The following PDS5B variants were observed in gnomAD, a reference collection of about 807,000 sequenced individuals.
PDS5B encodes PDS5 cohesin associated factor B, also known as sister chromatid cohesion protein PDS5 homolog B.
A neutral mutation model predicts 184.1 loss-of-function variants in PDS5B; 51 were observed. The ratio of observed to expected loss-of-function variants is 0.28; its 90% CI spans 0.22 to 0.35. The LOEUF is 0.35. PDS5B is among the 10% of genes least tolerant of loss of function. The pLI is 1.00. For missense variants in PDS5B, 1,180 were observed against 1,723.3 expected (o/e 0.68, Z 5.58); for synonymous variants, 566 against 569.2 (o/e 0.99, Z 0.08).
chr13:32,775,665 A>C lies in PDS5B; in HGVS notation c.*613A>C, dbSNP rs1296664260. ...ACACCAGAAGGATGCCTCTGATAGGAGGACAACCATGCAAATTGTGAAATA... is the reference window on the plus strand; with the variant it reads ...ACACCAGAAGGATGCCTCTGATAGGCGGACAACCATGCAAATTGTGAAATA... On this transcript the variant is annotated 3_prime_UTR_variant, in exon 35 of 35. Transcript: ENST00000315596. 12 of 456,202 alleles carry C rather than the reference A, an allele frequency of 2.6e-5. No individual in the cohort carries two copies. Among genetic ancestry groups the C allele is most frequent in the Non-Finnish European group, 3.5e-5 (8 of 226,710 alleles). 28.3% of individuals were successfully genotyped at this position (456,202 alleles called of 1,614,324 possible).
chr13:32,666,714 G>T (rs1028169450), intron 6 of PDS5B, among the ~76,000 whole-genome samples: 14 of 152,232 alleles, frequency 9.2e-5, no homozygotes, highest in African/African-American at 3.4e-4. Context: ...TTAATGGTTT[G>T]ACTTACTTTA....
chr13:32,709,244 T>G (rs914873456), intron 18 of PDS5B, among the ~76,000 whole-genome samples: 1 of 152,004 alleles, frequency 6.6e-6, no homozygotes, highest in Admixed American at 6.5e-5. Context: ...TACAGAGGGT[T>G]TTTGTTGTTT....
chr13:32,732,143 C>T lies in PDS5B; in HGVS notation c.2166C>T (p.Pro722=). 1 of 1,609,772 alleles carries T rather than the reference C, an allele frequency of 6.2e-7. No homozygotes were observed. Among genetic ancestry groups the T allele is most frequent in the Non-Finnish European group, 8.5e-7 (1 of 1,177,028 alleles). ...TACATCACAAATCTAAAAAAGGACC[C>T]CCCCGTCAAGCCAAATATGCCATTC... ...PVLHHKSKKG[P]PRQAKYAIHC... The change falls in exon 20 of 35, where the codon CCC becomes CCT. Residue 722 remains proline (P), a synonymous_variant. Coordinates refer to ENST00000315596, the MANE Select transcript of PDS5B (RefSeq NM_015032.4).
At chr13:32,646,354 TTC>T (rs1381397096) in intron 1 of PDS5B, among the ~76,000 whole-genome samples, 1 of 141,550 alleles carries the variant, frequency 7.1e-6, no homozygotes, top group African/African-American at 2.6e-5. Flanking sequence ...CAATGATTTA[TTC>T]TCTCATGGCT....
At chr13:32,687,896 A>C (rs1335303178) in intron 12 of PDS5B, among the ~76,000 whole-genome samples, 1 of 152,182 alleles carries the variant, frequency 6.6e-6, no homozygotes, top group Non-Finnish European at 1.5e-5. Flanking sequence ...AGCAGGTCAC[A>C]CTAAAATTTT....
At chr13:32,614,541 G>GCCC (rs901149520) in intron 1 of PDS5B, among the ~76,000 whole-genome samples, 2 of 152,026 alleles carry the variant, frequency 1.3e-5, no homozygotes, top group Non-Finnish European at 2.9e-5. Flanking sequence ...CAAGTGAGCT[G>GCCC]CCCGCCTTGG....
chr13:32,679,001 A>G (rs937876995), intron 10 of PDS5B, 72 bp downstream of exon 10: 18 of 649,392 alleles, frequency 2.8e-5, no homozygotes, highest in South Asian at 1.9e-4. Context: ...CATAGGGGGA[A>G]AAAAAACCCC....
chr13:32,710,598 C>G (rs73450802), intron 19 of PDS5B, among the ~76,000 whole-genome samples: 1,573 of 152,262 alleles, frequency 0.01, 37 homozygotes, highest in African/African-American at 0.035. Context: ...GAGCTGTTAT[C>G]CTGGGATAAT....
At chr13:32,706,503 A>G (rs910487904) in intron 17 of PDS5B, among the ~76,000 whole-genome samples, 7 of 152,096 alleles carry the variant, frequency 4.6e-5, no homozygotes, top group African/African-American at 1.4e-4. Context: ...GCTGTGCGTG[A>G]CACACAGTAA....
chr13:32,723,593 A>G (rs1339964515), intron 19 of PDS5B, among the ~76,000 whole-genome samples: 6 of 152,282 alleles, frequency 3.9e-5, no homozygotes, highest in Admixed American at 1.3e-4. Context: ...AAAATAACTG[A>G]GTATGTAAAA....
At chr13:32,624,281 G>A (rs2058341983) in intron 1 of PDS5B, among the ~76,000 whole-genome samples, 1 of 151,958 alleles carries the variant, frequency 6.6e-6, no homozygotes, top group Admixed American at 6.6e-5. Context: ...TAAGATATCA[G>A]AGTTGTCTTT....
chr13:32,745,876 TAAAC>T lies in PDS5B; in HGVS notation c.2613-100_2613-97del. 9.4e-6 allele frequency: 9 copies of T among 953,186 alleles called. No individual in the cohort carries two copies. The Admixed American group carries it at 1.4e-4, about 15-fold the overall frequency. The allele number at this position is 953,186 out of a possible 1,614,324, so 59.0% of individuals were successfully genotyped here. The stretch of plus-strand genomic sequence containing the variant: ...ACATTCAGATCACAGCATTTTTTTT[TAAAC>T]TTTTTTGTGCCAGAATTTTTAATAA... On this transcript the variant is annotated intron_variant, in intron 23 of 34. Transcript: ENST00000315596.
intron 1 of PDS5B, among the ~76,000 whole-genome samples, chr13:32,638,496 T>C (rs553654898): frequency 6.6e-6 from 1 of 152,274 alleles, no homozygotes; most frequent in East Asian, 1.9e-4. Context: ...ATAGTATAGA[T>C]TACTCTTTGA....
intron 23 of PDS5B, among the ~76,000 whole-genome samples, chr13:32,743,039 G>A (rs1052809136): frequency 1.3e-5 from 2 of 151,344 alleles, no homozygotes; most frequent in Non-Finnish European, 2.9e-5. Flanking sequence ...AATATGTAAG[G>A]GGAAAGAACA....
At chr13:32,604,879 C>A (rs529548376) in intron 1 of PDS5B, among the ~76,000 whole-genome samples, 3 of 152,296 alleles carry the variant, frequency 2.0e-5, no homozygotes, top group Admixed American at 2.0e-4. Context: ...TTATAGTATT[C>A]TCTGATGGTA....
At chr13:32,757,552 C>T (rs1954227863) in intron 26 of PDS5B, among the ~76,000 whole-genome samples, 1 of 152,160 alleles carries the variant, frequency 6.6e-6, no homozygotes, top group African/African-American at 2.4e-5. Flanking sequence ...TAAAACTGAG[C>T]TACTGAAGCT....
chr13:32,684,196 A>G (rs1019696976), intron 11 of PDS5B, among the ~76,000 whole-genome samples, 173 bp downstream of exon 11: 1 of 152,166 alleles, frequency 6.6e-6, no homozygotes, highest in African/African-American at 2.4e-5. Flanking sequence ...CTGTTACATT[A>G]AATTGTATCA....
Position 32,732,181 on chromosome 13 carries a change from C to A in PDS5B, c.2204C>A (p.Ala735Glu), listed in dbSNP as rs751771151. The change falls in exon 20 of 35, where the codon GCG (alanine) becomes GAG (glutamate). Residue 735 changes from alanine to glutamate, a missense_variant. By Grantham distance (107) the Ala-to-Glu change is moderately radical. Coordinates refer to ENST00000315596, the MANE Select transcript of PDS5B (RefSeq NM_015032.4). Reference sequence around the variant, plus strand: ...AAATATGCCATTCATTGTATCCATGCGATATTTTCTAGTAAAGAGACCCAG... The same window carrying A: ...AAATATGCCATTCATTGTATCCATGAGATATTTTCTAGTAAAGAGACCCAG... ...QAKYAIHCIHAIFSSKETQFA... is the reference protein window; with the variant it reads ...QAKYAIHCIHEIFSSKETQFA... 1 of 1,607,722 alleles carries A rather than the reference C, an allele frequency of 6.2e-7. No homozygotes were observed. The highest frequency in any genetic ancestry group is 1.7e-5 in the Admixed American group (1 of 59,690).
intron 24 of PDS5B, among the ~76,000 whole-genome samples, chr13:32,749,601 A>T (rs771665600): frequency 9.9e-5 from 15 of 152,218 alleles, no homozygotes; most frequent in Admixed American, 3.9e-4. Context: ...AAATACAAAG[A>T]TGAGTAAGTC....
Sources: allele counts gnomAD v4.1 joint callset (sites outside exome capture counted in the v4.1 genomes callset), GRCh38; gene constraint gnomAD v4.1.1; transcripts MANE v1.5; gene names NCBI Gene and HGNC (gene_info 2026-07-23, HGNC 2026-07-21).